The following RGS3 variants were observed in gnomAD, a reference collection of about 807,000 sequenced individuals.
The protein encoded by RGS3 is regulator of G-protein signalling 3.
In RGS3, 80 loss-of-function variants were observed where a neutral mutation model predicts 132.6. The ratio of observed to expected loss-of-function variants is 0.60; its 90% CI spans 0.50 to 0.73. The LOEUF is 0.73. Among genes scored for constraint, RGS3 ranks in the 30% least tolerant of loss-of-function variants. The pLI is 0.00. For missense variants in RGS3, 1,382 were observed against 1,530.8 expected (o/e 0.90, Z 1.62); for synonymous variants, 598 against 620.6 (o/e 0.96, Z 0.54).
chr9:113,519,767 G>C (rs1588193394), intron 16 of RGS3, among the ~76,000 whole-genome samples: 1 of 151,900 alleles, frequency 6.6e-6, no homozygotes, highest in Non-Finnish European at 1.5e-5. Flanking sequence ...TTCCTCCTTG[G>C]TTCTTTGTCC....
At chr9:113,563,668 C>T (rs1833880900) in intron 19 of RGS3, among the ~76,000 whole-genome samples, 1 of 152,218 alleles carries the variant, frequency 6.6e-6, no homozygotes, top group Non-Finnish European at 1.5e-5. Context: ...TGCCTTGGTT[C>T]TGCCCCCAGG....
chr9:113,538,872 C>A (rs1832790103), intron 19 of RGS3, among the ~76,000 whole-genome samples: 4 of 152,236 alleles, frequency 2.6e-5, no homozygotes, highest in South Asian at 2.1e-4. Context: ...TGGAGCCACA[C>A]TGGCATACCC....
At position 113,463,368 on chromosome 9, in the gene RGS3, CA is replaced by C. The variant is rs971554916; in HGVS notation, c.415+1170del. The stretch of plus-strand genomic sequence containing the variant: ...ATCTAATGATTATAGGCCTGAGCTT[CA>C]AAGCAGGTTATAAACCCGACTAATT... On this transcript the variant is annotated intron_variant, in intron 3 of 24. Coordinates refer to ENST00000350696, the Ensembl canonical transcript of RGS3. The surrounding 1 kb of genome is among the most constrained non-coding windows in gnomAD (Gnocchi z 4.6). Among the ~76,000 whole-genome samples, 5 of 152,182 alleles carry C rather than the reference CA, an allele frequency of 3.3e-5. No individual in the cohort carries two copies. Among genetic ancestry groups the C allele is most frequent in the African/African-American group, 1.2e-4 (5 of 41,434 alleles).
chr9:113,536,866 C>G, exon 19 of RGS3: 1 of 1,614,154 alleles, frequency 6.2e-7, no homozygotes, highest in Non-Finnish European at 8.5e-7. Flanking sequence ...TGGTGCCTGT[C>G]GGAGAACATC....
intron 19 of RGS3, chr9:113,581,078 C>A: frequency 1.2e-6 from 1 of 844,936 alleles, no homozygotes; most frequent in Non-Finnish European, 1.4e-6. Context: ...CTGAGGGGCC[C>A]CAGGGAGCTG....
intron 3 of RGS3, among the ~76,000 whole-genome samples, chr9:113,473,474 C>T (rs895478038): frequency 6.6e-6 from 1 of 152,170 alleles, no homozygotes; most frequent in Non-Finnish European, 1.5e-5. Flanking sequence ...CCTCAACCTC[C>T]TGGGCTCCAG....
intron 19 of RGS3, among the ~76,000 whole-genome samples, chr9:113,543,874 G>A (rs1833000968): frequency 6.6e-6 from 1 of 152,218 alleles, no homozygotes; most frequent in African/African-American, 2.4e-5. Context: ...TCAGTTCCTG[G>A]TGGGCCCTGG....
At position 113,507,688 on chromosome 9, in the gene RGS3, A is replaced by C. The variant is rs906917521; in HGVS notation, c.1437+50A>C. The C allele has an allele frequency of 7.2e-7, 1 of 1,395,256 alleles. No individual in the cohort carries two copies. The highest frequency in any genetic ancestry group is 9.4e-7 in the Non-Finnish European group (1 of 1,058,496). 86.4% of individuals were successfully genotyped at this position (1,395,256 alleles called of 1,614,324 possible). A position where few individuals can be genotyped will look rare whatever the true frequency, so the allele number is the denominator to read the frequency against. ...GTGAAGGGTACTGGGTCCCTGTGGG[A>C]GGCCAGGAAGACTTGAAGACCCAAA... On this transcript the variant is annotated intron_variant, in intron 13 of 24. Transcript: ENST00000350696. The surrounding 1 kb of genome is among the most constrained non-coding windows in gnomAD (Gnocchi z 5.0).
rs1830665404 is a variant in RGS3, at chr9:113,495,855, T to C, written c.750+9T>C. The stretch of plus-strand genomic sequence containing the variant: ...TCCTGACTCCAGACAAGGTGGGTCC[T>C]AGGGATGCTTCTGTCAGGATCATCC... On this transcript the variant is annotated intron_variant, in intron 8 of 24. Coordinates refer to ENST00000350696, the Ensembl canonical transcript of RGS3. The C allele has an allele frequency of 6.2e-7, 1 of 1,612,794 alleles. No individual in the cohort carries two copies. The highest frequency in any genetic ancestry group is 1.3e-5 in the African/African-American group (1 of 75,012).
In RGS3 at chr9:113,506,613, A is replaced by G; in HGVS notation, c.1085+120A>G. ...CTCCCTCTTTTGCCTAGCTGTGAGCAGGCAATTCCTTTTGCTCTTCAAGGA... is the reference window on the plus strand; with the variant it reads ...CTCCCTCTTTTGCCTAGCTGTGAGCGGGCAATTCCTTTTGCTCTTCAAGGA... On this transcript the variant is annotated intron_variant, in intron 12 of 24. Coordinates refer to ENST00000350696, the Ensembl canonical transcript of RGS3. The surrounding 1 kb of genome is among the most constrained non-coding windows in gnomAD (Gnocchi z 4.7). 1.5e-6 allele frequency: 1 copy of G among 656,886 alleles called. No individual in the cohort carries two copies. Among genetic ancestry groups the G allele is most frequent in the Non-Finnish European group, 2.7e-6 (1 of 368,168 alleles). The allele number at this position is 656,886 out of a possible 1,614,324, so 40.7% of individuals were successfully genotyped here. A position where few individuals can be genotyped will look rare whatever the true frequency, so the allele number is the denominator to read the frequency against.
intron 20 of RGS3, among the ~76,000 whole-genome samples, chr9:113,587,734 G>T (rs755254855): frequency 6.6e-5 from 10 of 152,186 alleles, no homozygotes; most frequent in Non-Finnish European, 1.3e-4. Context: ...GTCAGAACAG[G>T]CAGACCTCAG....
Position 113,591,131 on chromosome 9 carries a change from G to A in RGS3, c.3016-202G>A, listed in dbSNP as rs925124710. ...GTCCCAGGAGGAGATCCCTGTGGCC[G>A]GAGAGTCTGCCAGGCCGATTCCACT... On this transcript the variant is annotated intron_variant, in intron 20 of 24. Coordinates refer to ENST00000350696, the Ensembl canonical transcript of RGS3. The surrounding 1 kb of genome is among the most constrained non-coding windows in gnomAD (Gnocchi z 4.4). Among the ~76,000 whole-genome samples, 3 of 152,186 alleles carry A rather than the reference G, an allele frequency of 2.0e-5. No individual in the cohort carries two copies. Among genetic ancestry groups the A allele is most frequent in the East Asian group, 1.9e-4 (1 of 5,190 alleles).
In RGS3 at chr9:113,463,783, C is replaced by A. The variant is rs1352248922; in HGVS notation, c.415+1582C>A. On this transcript the variant is annotated intron_variant, in intron 3 of 24. Transcript: ENST00000350696. The surrounding 1 kb of genome is among the most constrained non-coding windows in gnomAD (Gnocchi z 4.6). ...CGCCTCGGGTTGCAGACGCTCCTGT[C>A]CGGGTCGCAGTGGGACGCCATGGAG... 1.9e-6 allele frequency: 3 copies of A among 1,601,970 alleles called. No homozygotes were observed. The highest frequency in any genetic ancestry group is 2.2e-5 in the South Asian group (2 of 89,308).
At chr9:113,530,995 C>T (rs1267936228) in intron 18 of RGS3, among the ~76,000 whole-genome samples, 1 of 152,200 alleles carries the variant, frequency 6.6e-6, no homozygotes, top group African/African-American at 2.4e-5. Flanking sequence ...CATTGCCTGA[C>T]ATGCAGGTGG....
rs370071045 is a variant in RGS3 at position 113,591,402 on chromosome 9, G to T, written c.3080+5G>T. ...GAAGAGAAAGAGCAAAAACCTGTAC[G>T]TTGGGAAGATCCCTGGCTTCTGCGC... On this transcript the variant is annotated splice_donor_5th_base_variant and intron_variant, in intron 21 of 24. Coordinates refer to ENST00000350696, the Ensembl canonical transcript of RGS3. This position sits in a 1 kb window ranked among gnomAD's most constrained non-coding sequence, Gnocchi z 4.4. The T allele has an allele frequency of 1.2e-6, 2 of 1,612,862 alleles. No homozygotes were observed. Among genetic ancestry groups the T allele is most frequent in the African/African-American group, 1.3e-5 (1 of 75,016 alleles).
chr9:113,583,687 C>T lies in RGS3; in HGVS notation c.2275C>T (p.Pro759Ser), dbSNP rs575797645. Residue 759 changes from proline to serine, a missense_variant, in exon 20 of 25, where the codon CCG (proline) becomes TCG (serine). Pro to Ser is a moderately conservative substitution (Grantham distance 74, BLOSUM62 -1). Coordinates refer to ENST00000350696, the Ensembl canonical transcript of RGS3. ...AGGATCCCCTCCAGGCCCAGATGCT[C>T]CGCCCAGCAAGGATGTGCCACCATG... 9.3e-6 allele frequency: 15 copies of T among 1,614,076 alleles called. No homozygotes were observed. The South Asian group carries it at 1.6e-4, about 18-fold the overall frequency.
chr9:113,591,858 G>T lies in RGS3; in HGVS notation c.3080+461G>T. ...AGGGGGCGCTGCTGGCCCAGCTGCC[G>T]AATCCCGCACTCGCCAAGCCTTTCT... On this transcript the variant is annotated intron_variant, in intron 21 of 24. Coordinates refer to ENST00000350696, the Ensembl canonical transcript of RGS3. This position sits in a 1 kb window ranked among gnomAD's most constrained non-coding sequence, Gnocchi z 4.4. The T allele has an allele frequency of 1.2e-5, 2 of 171,034 alleles. No individual in the cohort carries two copies. The highest frequency in any genetic ancestry group is 1.5e-4 in the East Asian group (1 of 6,850). The allele number at this position is 171,034 out of a possible 1,614,324, so 10.6% of individuals were successfully genotyped here.
intron 23 of RGS3, among the ~76,000 whole-genome samples, chr9:113,595,293 A>G (rs1835706266): frequency 6.6e-6 from 1 of 152,210 alleles, no homozygotes; most frequent in South Asian, 2.1e-4. Context: ...CACGGCGCCA[A>G]ATGTGCCTGC....
At chr9:113,483,023 C>T in intron 4 of RGS3, 36 bp from the exon 3 acceptor site, 1 of 1,613,726 alleles carries the variant, frequency 6.2e-7, no homozygotes, top group Non-Finnish European at 8.5e-7. Context: ...GTGTATGTTT[C>T]CATTCATCCA....
Sources: allele counts gnomAD v4.1 joint callset (sites outside exome capture counted in the v4.1 genomes callset), GRCh38; gene constraint gnomAD v4.1.1; non-coding constraint Gnocchi (gnomAD v3.1); transcripts MANE v1.5; gene names NCBI Gene and HGNC (gene_info 2026-07-23, HGNC 2026-07-21).